MYO3A: variants seen among roughly 807,000 people sequenced by gnomAD.
MYO3A encodes myosin IIIA, also known as myosin-IIIa.
MYO3A carries 180 observed loss-of-function variants against 192.7 expected under a neutral mutation model. The observed-to-expected ratio is 0.93, with a 90% CI of 0.83 to 1.06. The LOEUF (loss-of-function observed/expected upper bound fraction) is 1.06. MYO3A is among the 50% of genes least tolerant of loss of function. MYO3A has a pLI of 0.00. For synonymous variants in MYO3A, 628 were observed against 645.3 expected (o/e 0.97, Z 0.41); for missense variants, 1,896 against 1,905.0 (o/e 1.00, Z 0.09).
chr10:26,201,186 A>G (rs919228240), intron 32 of MYO3A, 79 bp from the exon 33 acceptor site: 2 of 630,560 alleles, frequency 3.2e-6, no homozygotes, highest in Admixed American at 3.9e-5. Context: ...ATGTATTTAC[A>G]TATTAAGATT....
chr10:26,145,678 T>A, intron 22 of MYO3A, 144 bp downstream of exon 22: 1 of 741,014 alleles, frequency 1.3e-6, no homozygotes, highest in South Asian at 1.5e-5. Flanking sequence ...GCCCTAATTA[T>A]GCCCTCTGAT....
Position 26,096,445 on chromosome 10 carries a change from G to A in MYO3A, c.1627G>A (p.Ala543Thr), listed in dbSNP as rs767284194. 1.2e-6 allele frequency: 2 copies of A among 1,613,714 alleles called. No homozygotes were observed. Among genetic ancestry groups the A allele is most frequent in the East Asian group, 4.5e-5 (2 of 44,828 alleles). Residue 543 changes from alanine (A) to threonine (T), a missense_variant, in exon 16 of 35, where the codon GCC (alanine) becomes ACC (threonine). Physicochemically the swap from Ala to Thr is moderately conservative, Grantham distance 58. Coordinates refer to ENST00000642920, the MANE Select transcript of MYO3A (RefSeq NM_017433.5). ...TGGTTTGGCTGAAAAGAAGAAACTA[G>A]CCCATTACAAACTGCCTGAAAATAA... ...YAGLAEKKKL[A>T]HYKLPENKPP...
At chr10:26,135,239 C>T (rs1434751246) in intron 20 of MYO3A, among the ~76,000 whole-genome samples, 1 of 151,918 alleles carries the variant, frequency 6.6e-6, no homozygotes, top group Non-Finnish European at 1.5e-5. Flanking sequence ...ATCTCCTGTG[C>T]AGAAGAAAAA....
chr10:26,203,264 A>G (rs921707936), intron 34 of MYO3A, among the ~76,000 whole-genome samples, 157 bp downstream of exon 34: 1 of 152,208 alleles, frequency 6.6e-6, no homozygotes, highest in East Asian at 1.9e-4. Context: ...TGTCATGTAC[A>G]GTGTTATGGT....
rs1841728046 is a variant in MYO3A at position 26,166,061 on chromosome 10, TC to T, written c.3000-4del. On this transcript the variant is annotated splice_region_variant and splice_polypyrimidine_tract_variant and intron_variant, in intron 26 of 34. Coordinates refer to ENST00000642920, the MANE Select transcript of MYO3A (RefSeq NM_017433.5). ...AATACTAACCAGCCCTTTTTTCCAT[TC>T]CAAGGTACTACCTTCTCTGCTACAA... 18 of 1,613,088 alleles carry T rather than the reference TC, an allele frequency of 1.1e-5. No individual in the cohort carries two copies. The highest frequency in any genetic ancestry group is 1.5e-5 in the Non-Finnish European group (18 of 1,179,068).
intron 4 of MYO3A, among the ~76,000 whole-genome samples, chr10:25,995,561 TGGA>T (rs1034858991): frequency 1.3e-5 from 2 of 152,240 alleles, no homozygotes; most frequent in African/African-American, 4.8e-5. Flanking sequence ...TGCGTTCCTT[TGGA>T]GGAGGAGAGG....
chr10:26,055,200 G>A (rs931186117), intron 10 of MYO3A, among the ~76,000 whole-genome samples: 2 of 152,048 alleles, frequency 1.3e-5, no homozygotes, highest in East Asian at 1.9e-4. Context: ...TGCTGTAGAG[G>A]GATCTTCACT....
chr10:26,062,210 C>G (rs945105595), intron 10 of MYO3A, among the ~76,000 whole-genome samples: 7 of 139,166 alleles, frequency 5.0e-5, no homozygotes, highest in Non-Finnish European at 1.1e-4. Flanking sequence ...ACTAAATTAT[C>G]TACACAAGTG....
intron 20 of MYO3A, 130 bp from the exon 21 acceptor site, chr10:26,143,318 G>A (rs1468834087): frequency 2.7e-5 from 24 of 888,650 alleles, no homozygotes; most frequent in Middle Eastern, 3.4e-4. Flanking sequence ...ACGACAGAGC[G>A]AGTCTCCGTC....
intron 7 of MYO3A, among the ~76,000 whole-genome samples, chr10:26,020,625 A>G (rs1020564402): frequency 1.3e-5 from 2 of 152,208 alleles, no homozygotes; most frequent in Non-Finnish European, 2.9e-5. Flanking sequence ...GGCATGTACA[A>G]AACATAAAAT....
At chr10:26,162,906 G>A (rs144593870) in intron 26 of MYO3A, among the ~76,000 whole-genome samples, 2 of 152,354 alleles carry the variant, frequency 1.3e-5, no homozygotes, top group African/African-American at 4.8e-5. Context: ...TCTGTTAATT[G>A]AAGATACATT....
At chr10:26,070,888 A>G (rs772818570) in intron 14 of MYO3A, among the ~76,000 whole-genome samples, 1 of 152,118 alleles carries the variant, frequency 6.6e-6, no homozygotes, top group Non-Finnish European at 1.5e-5. Context: ...TGAAAGAGTT[A>G]AAAGAAATAA....
intron 31 of MYO3A, among the ~76,000 whole-genome samples, chr10:26,187,947 A>G (rs2132120917): frequency 6.6e-6 from 1 of 152,266 alleles, no homozygotes; most frequent in South Asian, 2.1e-4. Context: ...TGCCACAATA[A>G]ACATATGTGT....
intron 29 of MYO3A, among the ~76,000 whole-genome samples, chr10:26,172,924 G>A (rs778472161): frequency 2.4e-4 from 37 of 152,182 alleles, no homozygotes; most frequent in Non-Finnish European, 4.6e-4. Context: ...AAGATGAAAA[G>A]TTTGGTGCAA....
At chr10:26,167,290 T>G (rs77586585) in intron 27 of MYO3A, among the ~76,000 whole-genome samples, 2,985 of 149,834 alleles carry the variant, frequency 0.02, 84 homozygotes, top group African/African-American at 0.068. Context: ...TGTAACAATT[T>G]AAGAGATTTA....
intron 17 of MYO3A, among the ~76,000 whole-genome samples, chr10:26,098,366 T>C (rs183308965): frequency 6.6e-6 from 1 of 152,372 alleles, no homozygotes; most frequent in African/African-American, 2.4e-5. Flanking sequence ...GTAGGTTGCC[T>C]ATTCACTCTG....
intron 17 of MYO3A, among the ~76,000 whole-genome samples, chr10:26,113,180 T>G (rs142014077): frequency 1.3e-5 from 2 of 152,240 alleles, no homozygotes; most frequent in African/African-American, 4.8e-5. Flanking sequence ...TTTTTAAAAA[T>G]TGGTTTTAGG....
At chr10:26,122,319 C>T (rs1588993907) in intron 18 of MYO3A, among the ~76,000 whole-genome samples, 1 of 152,256 alleles carries the variant, frequency 6.6e-6, no homozygotes, top group South Asian at 2.1e-4. Context: ...AATTAACATA[C>T]TTTCTGGAAT....
At chr10:26,067,875 G>A (rs940441201) in intron 11 of MYO3A, among the ~76,000 whole-genome samples, 1 of 151,908 alleles carries the variant, frequency 6.6e-6, no homozygotes, top group South Asian at 2.1e-4. Flanking sequence ...CTGAGCATTT[G>A]ACTCAGAAAT....
Sources: allele counts gnomAD v4.1 joint callset (sites outside exome capture counted in the v4.1 genomes callset), GRCh38; gene constraint gnomAD v4.1.1; transcripts MANE v1.5; gene names NCBI Gene and HGNC (gene_info 2026-07-23, HGNC 2026-07-21).